The following MREG variants were observed in gnomAD, a reference collection of about 807,000 sequenced individuals.
The protein encoded by MREG is dilute suppressor protein homolog.
MREG carries 31 observed loss-of-function variants against 28.5 expected under a neutral mutation model. The ratio of observed to expected loss-of-function variants is 1.09; its 90% CI spans 0.82 to 1.47. The LOEUF is 1.47. MREG is among the 40% of genes most tolerant of loss of function. MREG has a pLI of 0.00. For missense variants in MREG, 256 were observed against 257.4 expected, an observed-to-expected ratio of 0.99 and a Z score of 0.04; for synonymous variants, 106 against 95.2, an observed-to-expected ratio of 1.11 and a Z score of -0.66.
Position 215,942,735 on chromosome 2 carries a change from T to G in MREG, c.*2128A>C, listed in dbSNP as rs2105961742. 6.5e-6 allele frequency: 1 copy of G among 152,754 alleles called. No homozygotes were observed. Among genetic ancestry groups the G allele is most frequent in the South Asian group, 2.1e-4 (1 of 4,824 alleles). The allele number at this position is 152,754 out of a possible 1,614,324, so 9.5% of individuals were successfully genotyped here. A position where few individuals can be genotyped will look rare whatever the true frequency, so the allele number is the denominator to read the frequency against. On this transcript the variant is annotated 3_prime_UTR_variant, in exon 5 of 5. Coordinates refer to ENST00000263268, the MANE Select transcript of MREG (RefSeq NM_018000.3). ...TATAGATGCACACAATCTCATCTAT[T>G]TTGACATAAAAAAGGCAGAAAGGCA...
intron 2 of MREG, among the ~76,000 whole-genome samples, chr2:215,984,699 AT>A (rs781524090): frequency 4.6e-5 from 7 of 152,108 alleles, no homozygotes; most frequent in Non-Finnish European, 1.0e-4. Flanking sequence ...TTTGGAGGTA[AT>A]AAAACAGAAG....
intron 2 of MREG, among the ~76,000 whole-genome samples, chr2:215,974,746 G>A (rs1693196034): frequency 6.6e-6 from 1 of 151,432 alleles, no homozygotes; most frequent in African/African-American, 2.4e-5. Flanking sequence ...TGGCTTCATC[G>A]CCTTTCTGCT....
At chr2:215,940,352 T>C (rs1047414957), downstream of MREG, among the ~76,000 whole-genome samples, 2 of 152,220 alleles carry the variant, frequency 1.3e-5, no homozygotes, top group Non-Finnish European at 2.9e-5. Context: ...AAAATATTTC[T>C]TGTGATATTA....
Position 216,019,795 on chromosome 2 carries a change from G to A in MREG, c.-68+12994C>T, listed in dbSNP as rs190756939. On this transcript the variant is annotated intron_variant, in intron 1 of 3. Transcript: ENST00000420348. ...GCTGGGATTACAGGCTTGAGTCACC[G>A]CTTCCAGCCTCAAACTATTTTTATT... Among the ~76,000 whole-genome samples the A allele has an allele frequency of 1.3e-3, 195 of 151,802 alleles. 2 individuals carry two copies. In the East Asian group the frequency reaches 0.031, roughly 24 times the overall value.
chr2:215,975,757 G>C (rs1411880393), intron 2 of MREG, among the ~76,000 whole-genome samples: 1 of 152,188 alleles, frequency 6.6e-6, no homozygotes, highest in Admixed American at 6.5e-5. Context: ...ATGGGCAACA[G>C]AGATGATATC....
intron 1 of MREG, among the ~76,000 whole-genome samples, chr2:216,022,258 T>C (rs1694533950): frequency 6.6e-6 from 1 of 151,782 alleles, no homozygotes; most frequent in African/African-American, 2.4e-5. Flanking sequence ...TCTCAAAAAA[T>C]AATAATAATA....
chr2:216,019,951 G>C (rs1446434446), intron 1 of MREG, among the ~76,000 whole-genome samples: 1 of 152,016 alleles, frequency 6.6e-6, no homozygotes, highest in Non-Finnish European at 1.5e-5. Context: ...ATTCAGTAGA[G>C]ATTACTCTCT....
intron 2 of MREG, among the ~76,000 whole-genome samples, chr2:215,984,971 T>C (rs1693528304): frequency 6.6e-6 from 1 of 152,200 alleles, no homozygotes; most frequent in African/African-American, 2.4e-5. Flanking sequence ...TCTCTCCATT[T>C]CAATCCTGAT....
intron 2 of MREG, among the ~76,000 whole-genome samples, chr2:215,970,613 G>C (rs1327314205): frequency 6.6e-6 from 1 of 152,178 alleles, no homozygotes; most frequent in Non-Finnish European, 1.5e-5. Context: ...CAGGGAAACA[G>C]CATGAGCTCT....
intron 2 of MREG, among the ~76,000 whole-genome samples, chr2:215,975,687 T>C (rs1693237406): frequency 6.6e-6 from 1 of 152,214 alleles, no homozygotes; most frequent in South Asian, 2.1e-4. Context: ...GTCAGCTTTA[T>C]ATATTAAATA....
intron 2 of MREG, among the ~76,000 whole-genome samples, chr2:215,989,605 AG>A (rs1307546972): frequency 6.6e-6 from 1 of 152,096 alleles, no homozygotes; most frequent in East Asian, 1.9e-4. Context: ...TCCGACCTAA[AG>A]GAGCATGTTC....
chr2:215,948,715 C>T (rs1392120289), intron 2 of MREG, among the ~76,000 whole-genome samples: 1 of 152,154 alleles, frequency 6.6e-6, no homozygotes, highest in East Asian at 1.9e-4. Flanking sequence ...AATCCCAGCT[C>T]TGTTATTTAC....
chr2:215,993,866 C>A (rs1280893133), intron 2 of MREG, among the ~76,000 whole-genome samples: 2 of 152,162 alleles, frequency 1.3e-5, no homozygotes, highest in African/African-American at 4.8e-5. Flanking sequence ...CAATGAGATA[C>A]CATCTCATGC....
intron 2 of MREG, among the ~76,000 whole-genome samples, chr2:215,991,439 G>A (rs564972369): frequency 9.9e-5 from 15 of 152,192 alleles, no homozygotes; most frequent in African/African-American, 3.6e-4. Flanking sequence ...GGAGAAAGCA[G>A]GAAAGACCTA....
In MREG at chr2:215,943,969, T is replaced by TA; in HGVS notation, c.*893_*894insT. The TA allele has an allele frequency of 8.3e-6, 1 of 120,088 alleles. No individual in the cohort carries two copies. The highest frequency in any genetic ancestry group is 3.3e-5 in the African/African-American group (1 of 30,688). 7.4% of individuals were successfully genotyped at this position (120,088 alleles called of 1,614,324 possible). A position where few individuals can be genotyped will look rare whatever the true frequency, so the allele number is the denominator to read the frequency against. On this transcript the variant is annotated 3_prime_UTR_variant, in exon 5 of 5. Transcript: ENST00000263268. ...CAAGTACAACACATGAATACATAAC[T>TA]CTTTTTTTTTTTTTTTTTTTTTTTT... is the stretch of plus-strand genomic sequence containing the variant.
intron 1 of MREG, among the ~76,000 whole-genome samples, chr2:216,003,150 C>T (rs1380580195): frequency 6.6e-6 from 1 of 151,696 alleles, no homozygotes. Context: ...TGTCGGGGGG[C>T]GATTGTTCCA....
intron 2 of MREG, among the ~76,000 whole-genome samples, chr2:215,954,483 C>CACACACACACACACACAA (rs3220063): frequency 6.6e-6 from 1 of 150,786 alleles, no homozygotes; most frequent in Non-Finnish European, 1.5e-5. Context: ...CACACACACA[C>CACACACACACACACACAA]AAAACAACCA....
intron 2 of MREG, among the ~76,000 whole-genome samples, chr2:215,982,242 A>C (rs1434129340): frequency 6.6e-6 from 1 of 151,640 alleles, no homozygotes; most frequent in Admixed American, 6.6e-5. Context: ...AATCACTTGA[A>C]CCTGGGAAGC....
chr2:215,957,490 G>A (rs1393002650), intron 2 of MREG, among the ~76,000 whole-genome samples: 1 of 152,080 alleles, frequency 6.6e-6, no homozygotes, highest in African/African-American at 2.4e-5. Context: ...TTTGACGAAG[G>A]TAAACCATTC....
Sources: gnomAD v4.1 joint callset for allele counts (sites outside exome capture counted in the v4.1 genomes callset) on GRCh38, gnomAD v4.1.1 for gene constraint, MANE v1.5 for transcripts, NCBI Gene and HGNC (gene_info 2026-07-23, HGNC 2026-07-21) for gene names.